NFASC: variants seen among roughly 807,000 people sequenced by gnomAD.
The protein encoded by NFASC is neurofascin, also known as neurofascin homolog.
A neutral mutation model predicts 147.5 loss-of-function variants in NFASC; 43 were observed. That is an observed-to-expected ratio of 0.29 (90% confidence interval 0.23 to 0.38). NFASC has a LOEUF of 0.38. Among genes scored for constraint, NFASC ranks in the 10% least tolerant of loss-of-function variants. NFASC has a pLI of 1.00. For synonymous variants in NFASC, 622 were observed against 665.5 expected, an observed-to-expected ratio of 0.93 and a Z score of 1.01; for missense variants, 1,320 against 1,689.0, an observed-to-expected ratio of 0.78 and a Z score of 3.83.
chr1:204,947,442 T>C (rs1385306448), intron 3 of NFASC, among the ~76,000 whole-genome samples: 4 of 152,220 alleles, frequency 2.6e-5, no homozygotes, highest in Non-Finnish European at 5.9e-5. Context: ...GCCCCTTCAG[T>C]GGACATTATC....
At chr1:204,927,600 C>G (rs1034842176) in intron 2 of NFASC, among the ~76,000 whole-genome samples, 1 of 152,110 alleles carries the variant, frequency 6.6e-6, no homozygotes, top group Non-Finnish European at 1.5e-5. Context: ...AAAGTATACT[C>G]TATAAAAAAT....
At position 204,928,294 on chromosome 1, in the gene NFASC, G is replaced by T. The variant is rs371265967; in HGVS notation, c.-91+7554G>T. On this transcript the variant is annotated intron_variant, in intron 2 of 29. Coordinates refer to ENST00000339876, the MANE Select transcript of NFASC (RefSeq NM_001005388.3). ...ATGTTCCCTAGTCCTGCCCCTAGGA[G>T]CATGAATGAGTAAGCAGTAATGAGG... Among the ~76,000 whole-genome samples, 322 of 152,284 alleles carry T rather than the reference G, an allele frequency of 2.1e-3. 2 individuals are homozygous for T. The highest frequency in any genetic ancestry group is 7.3e-3 in the African/African-American group (304 of 41,532).
rs370986220 is a variant in NFASC, at chr1:204,916,588, C to G, written c.-199-4044C>G. ...CATTGCTGTCCCCTGACACTCTCATCTAGGTGAGGAAGGATTTATTAACCC... is the reference window on the plus strand; with the variant it reads ...CATTGCTGTCCCCTGACACTCTCATGTAGGTGAGGAAGGATTTATTAACCC... On this transcript the variant is annotated intron_variant, in intron 1 of 29. Transcript: ENST00000339876. 3.9e-4 allele frequency among the ~76,000 whole-genome samples: 59 copies of G among 152,282 alleles called. 1 individual carries two copies. The highest frequency in any genetic ancestry group is 1.3e-3 in the African/African-American group (56 of 41,562).
At chr1:204,973,104 C>T (rs753946645) in intron 11 of NFASC, among the ~76,000 whole-genome samples, 172 bp from the exon 12 acceptor site, 1 of 152,228 alleles carries the variant, frequency 6.6e-6, no homozygotes, top group Non-Finnish European at 1.5e-5. Context: ...GAGAAGGGCT[C>T]AAGGTCACAC....
chr1:204,945,570 G>A (rs2093667227), intron 3 of NFASC, among the ~76,000 whole-genome samples: 1 of 152,242 alleles, frequency 6.6e-6, no homozygotes, highest in Non-Finnish European at 1.5e-5. Context: ...AGTAGTAACT[G>A]TAAGTCAGAC....
At chr1:204,980,587 A>C in intron 20 of NFASC, 147 bp downstream of exon 20, 1 of 642,808 alleles carries the variant, frequency 1.6e-6, no homozygotes, top group South Asian at 2.0e-5. Context: ...TTGAGAAACC[A>C]AGCTCCTCTC....
At position 205,021,296 on chromosome 1, in the gene NFASC, G is replaced by GA. The variant is rs544234637; in HGVS notation, c.*4759dup. Reference sequence around the variant, plus strand: ...TGGGCCTTCCTGAGACACATTCAGAGAAGGATCAGAGAGAAAGGAGAACCA... The same window carrying GA: ...TGGGCCTTCCTGAGACACATTCAGAGAAAGGATCAGAGAGAAAGGAGAACCA... On this transcript the variant is annotated 3_prime_UTR_variant, in exon 30 of 30. Coordinates refer to ENST00000339876, the MANE Select transcript of NFASC (RefSeq NM_001005388.3). 1.7e-3 allele frequency: 253 copies of GA among 152,724 alleles called. 2 individuals are homozygous for GA. The highest frequency in any genetic ancestry group is 8.3e-3 in the Admixed American group (127 of 15,282). 9.5% of individuals were successfully genotyped at this position (152,724 alleles called of 1,614,324 possible). A position where few individuals can be genotyped will look rare whatever the true frequency, so the allele number is the denominator to read the frequency against.
intron 1 of NFASC, among the ~76,000 whole-genome samples, chr1:204,865,970 A>G (rs1180607821): frequency 2.6e-5 from 4 of 152,132 alleles, no homozygotes; most frequent in South Asian, 2.1e-4. Context: ...ACCCTTATCA[A>G]TATTTGATAT....
At chr1:204,971,997 G>C (rs1332745416) in intron 11 of NFASC, among the ~76,000 whole-genome samples, 1 of 152,234 alleles carries the variant, frequency 6.6e-6, no homozygotes, top group African/African-American at 2.4e-5. Flanking sequence ...TGACTGGGGG[G>C]ATTATTGGTT....
intron 1 of NFASC, among the ~76,000 whole-genome samples, chr1:204,890,609 G>A (rs1188863461): frequency 2.7e-5 from 4 of 146,522 alleles, no homozygotes; most frequent in East Asian, 4.0e-4. Context: ...TCACTCTGTC[G>A]CCCAGGCTAA....
intron 24 of NFASC, among the ~76,000 whole-genome samples, chr1:204,991,960 G>C (rs749210369): frequency 6.6e-6 from 1 of 152,174 alleles, no homozygotes; most frequent in African/African-American, 2.4e-5. Context: ...AGTCTTTATC[G>C]TTAAGAACAG....
chr1:204,837,072 A>G (rs1465466901), intron 1 of NFASC, among the ~76,000 whole-genome samples: 1 of 152,264 alleles, frequency 6.6e-6, no homozygotes, highest in Non-Finnish European at 1.5e-5. Flanking sequence ...TTGTGACTGC[A>G]TGGCTGGTTG....
intron 1 of NFASC, among the ~76,000 whole-genome samples, chr1:204,880,930 A>G (rs187803226): frequency 6.6e-6 from 1 of 152,328 alleles, no homozygotes; most frequent in East Asian, 1.9e-4. Context: ...CACGTCTTTC[A>G]GGAGTTTCAG....
intron 20 of NFASC, among the ~76,000 whole-genome samples, chr1:204,980,751 G>A (rs954295254): frequency 3.3e-5 from 5 of 152,174 alleles, no homozygotes; most frequent in Admixed American, 2.6e-4. Context: ...CTTGAAGGAG[G>A]AGGGACTGGG....
At chr1:204,900,630 G>A (rs942305194) in intron 1 of NFASC, among the ~76,000 whole-genome samples, 2 of 152,190 alleles carry the variant, frequency 1.3e-5, no homozygotes, top group African/African-American at 4.8e-5. Flanking sequence ...ATTAGGTGGT[G>A]CTAAGTGCTA....
At chr1:204,841,520 A>G (rs1675344471) in intron 1 of NFASC, among the ~76,000 whole-genome samples, 1 of 152,138 alleles carries the variant, frequency 6.6e-6, no homozygotes, top group Non-Finnish European at 1.5e-5. Flanking sequence ...CCAACACCAT[A>G]CCATAAAGCC....
At chr1:204,939,831 G>A (rs1031448873) in intron 2 of NFASC, among the ~76,000 whole-genome samples, 1 of 152,248 alleles carries the variant, frequency 6.6e-6, no homozygotes, top group Non-Finnish European at 1.5e-5. Flanking sequence ...CCTTGCTGAT[G>A]TAGGGGTACC....
intron 1 of NFASC, among the ~76,000 whole-genome samples, chr1:204,873,480 A>G (rs2078127671): frequency 1.3e-5 from 2 of 152,302 alleles, no homozygotes; most frequent in East Asian, 3.9e-4. Flanking sequence ...TTTAGTGGAC[A>G]TTTCATTTCT....
rs1179725560 is a variant in NFASC, at chr1:204,954,252, A to T, written c.280A>T (p.Arg94Trp). The change falls in exon 6 of 30, where the codon AGG becomes TGG. Residue 94 changes from arginine to tryptophan, a missense_variant. Physicochemically the swap from Arg to Trp is moderately radical, Grantham distance 101 (BLOSUM62 -3). Around this residue, in one of 3 missense-constraint regions of NFASC, gnomAD observed 981 missense variants for 1,289.5 expected, o/e 0.76. Coordinates refer to ENST00000339876, the MANE Select transcript of NFASC (RefSeq NM_001005388.3). This position sits in a 1 kb window ranked among gnomAD's most constrained non-coding sequence, Gnocchi z 5.7. ...CAAGGACCCCCGGGTGTCCATGAGGAGGAGGTCTGGGACCCTGGTGATTGA... is the reference window on the plus strand; with the variant it reads ...CAAGGACCCCCGGGTGTCCATGAGGTGGAGGTCTGGGACCCTGGTGATTGA... ...IAKDPRVSMR[R>W]RSGTLVIDFR... 1 of 1,614,216 alleles carries T rather than the reference A, an allele frequency of 6.2e-7. No homozygotes were observed. The highest frequency in any genetic ancestry group is 8.5e-7 in the Non-Finnish European group (1 of 1,180,040).
Sources: allele counts gnomAD v4.1 joint callset (sites outside exome capture counted in the v4.1 genomes callset), GRCh38; gene constraint gnomAD v4.1.1; regional missense constraint gnomAD v4.1.1; non-coding constraint Gnocchi (gnomAD v3.1); transcripts MANE v1.5; gene names NCBI Gene and HGNC (gene_info 2026-07-23, HGNC 2026-07-21).